The following LEKR1 variants were observed in gnomAD, a reference collection of about 807,000 sequenced individuals.
LEKR1 encodes protein LEKR1.
Under a neutral mutation model 72.4 loss-of-function variants are expected in LEKR1, and 59 were observed. That is an observed-to-expected ratio of 0.82 (90% confidence interval 0.66 to 1.01). The LOEUF (loss-of-function observed/expected upper bound fraction) is 1.01, where lower values mean the gene tolerates loss of function less well. LEKR1 is among the 50% of genes least tolerant of loss of function. The pLI is 0.00. For synonymous variants in LEKR1, 257 were observed against 263.2 expected (o/e 0.98, Z 0.23); for missense variants, 728 against 759.2 (o/e 0.96, Z 0.48).
intron 7 of LEKR1, among the ~76,000 whole-genome samples, chr3:156,989,395 T>G (rs985297273): frequency 6.6e-6 from 1 of 152,214 alleles, no homozygotes. Context: ...AACTTGAATA[T>G]TTTTAAGGCT....
Position 157,045,934 on chromosome 3 carries a change from G to A in LEKR1, c.*184G>A. The stretch of plus-strand genomic sequence containing the variant: ...AATTGTGAAGCCTTATTTTTCAAGA[G>A]GGTTTTGATAGAGTAACAGATCATT... On this transcript the variant is annotated 3_prime_UTR_variant, in exon 13 of 13. Coordinates refer to ENST00000356539, the MANE Select transcript of LEKR1 (RefSeq NM_001004316.3). 1.7e-6 allele frequency: 1 copy of A among 591,178 alleles called. No homozygotes were observed. The highest frequency in any genetic ancestry group is 2.4e-5 in the South Asian group (1 of 41,106). 36.6% of individuals were successfully genotyped at this position (591,178 alleles called of 1,614,324 possible).
chr3:156,834,542 A>G (rs1277951629), intron 2 of LEKR1, among the ~76,000 whole-genome samples: 1 of 152,174 alleles, frequency 6.6e-6, no homozygotes, highest in Admixed American at 6.5e-5. Flanking sequence ...CAATGTTAAT[A>G]TGTTAACTCT....
At chr3:156,973,382 A>T (rs970949390) in intron 6 of LEKR1, among the ~76,000 whole-genome samples, 3 of 152,086 alleles carry the variant, frequency 2.0e-5, no homozygotes, top group African/African-American at 7.2e-5. Context: ...ACACCCATAT[A>T]TAGATGCTAT....
intron 3 of LEKR1, among the ~76,000 whole-genome samples, chr3:156,899,632 ACACG>A (rs1449981444): frequency 9.1e-6 from 1 of 110,124 alleles, no homozygotes; most frequent in South Asian, 2.8e-4. Flanking sequence ...ACACATATAT[ACACG>A]CATATATACA....
chr3:156,931,122 T>C (rs1725187069), intron 5 of LEKR1, among the ~76,000 whole-genome samples: 1 of 152,102 alleles, frequency 6.6e-6, no homozygotes, highest in Non-Finnish European at 1.5e-5. Flanking sequence ...AATGAATAGT[T>C]AAATCAGAGA....
chr3:156,988,394 G>T, intron 7 of LEKR1: 1 of 225,046 alleles, frequency 4.4e-6, no homozygotes, highest in East Asian at 1.1e-4. Flanking sequence ...ATGTGCGAGG[G>T]GATCCCAGTC....
chr3:157,042,212 G>T (rs1735400235), intron 12 of LEKR1, among the ~76,000 whole-genome samples: 1 of 152,166 alleles, frequency 6.6e-6, no homozygotes, highest in Non-Finnish European at 1.5e-5. Flanking sequence ...ATCAATTTTG[G>T]ATCCTATTTT....
At chr3:156,849,862 T>A (rs367612019) in intron 2 of LEKR1, among the ~76,000 whole-genome samples, 4 of 151,982 alleles carry the variant, frequency 2.6e-5, no homozygotes, top group East Asian at 1.9e-4. Context: ...GGACTTCATG[T>A]CTAAAACACC....
At chr3:156,929,407 T>C (rs1041072948) in intron 5 of LEKR1, among the ~76,000 whole-genome samples, 2 of 152,058 alleles carry the variant, frequency 1.3e-5, no homozygotes, top group Admixed American at 1.3e-4. Context: ...AAAATAAAAT[T>C]TAATTTCTGC....
intron 6 of LEKR1, among the ~76,000 whole-genome samples, chr3:156,956,017 TTTAG>T (rs1239663529): frequency 2.6e-5 from 4 of 151,958 alleles, no homozygotes; most frequent in South Asian, 2.1e-4. Context: ...TGTGAATTTT[TTTAG>T]TTAGTCACAA....
intron 5 of LEKR1, among the ~76,000 whole-genome samples, chr3:156,929,552 A>G (rs929391271): frequency 1.3e-5 from 2 of 152,108 alleles, no homozygotes; most frequent in African/African-American, 4.8e-5. Context: ...ACAAATTCCA[A>G]TGGGATGCCG....
chr3:156,994,977 T>G (rs1474226846), intron 9 of LEKR1, among the ~76,000 whole-genome samples: 3 of 152,256 alleles, frequency 2.0e-5, no homozygotes, highest in Non-Finnish European at 4.4e-5. Context: ...GCACATGTTT[T>G]AGACTCTCGT....
chr3:156,932,889 G>A (rs1725373092), intron 5 of LEKR1, among the ~76,000 whole-genome samples: 1 of 151,980 alleles, frequency 6.6e-6, no homozygotes, highest in East Asian at 1.9e-4. Flanking sequence ...AATTAGCCAG[G>A]CGTGGTGGCG....
chr3:156,951,456 G>A (rs866680577), intron 6 of LEKR1, among the ~76,000 whole-genome samples: 9 of 151,464 alleles, frequency 5.9e-5, no homozygotes, highest in Admixed American at 6.6e-5. Context: ...TTGTACCTCT[G>A]GTAGAATTCA....
At chr3:156,948,376 A>G (rs1726863227) in intron 6 of LEKR1, among the ~76,000 whole-genome samples, 1 of 151,144 alleles carries the variant, frequency 6.6e-6, no homozygotes. Context: ...CAAAATTCTC[A>G]TATTAATTCT....
At chr3:156,877,393 G>C (rs1018990484) in intron 3 of LEKR1, among the ~76,000 whole-genome samples, 4 of 152,044 alleles carry the variant, frequency 2.6e-5, no homozygotes, top group Non-Finnish European at 5.9e-5. Flanking sequence ...AGTAAGATTG[G>C]TATCAGTTCT....
chr3:156,961,141 C>G (rs990103174), intron 6 of LEKR1, among the ~76,000 whole-genome samples: 2 of 152,080 alleles, frequency 1.3e-5, no homozygotes, highest in African/African-American at 4.8e-5. Context: ...AAATTTATTC[C>G]AAGTGAAAAA....
chr3:156,904,025 G>C (rs1002786068), intron 3 of LEKR1, among the ~76,000 whole-genome samples: 5 of 152,170 alleles, frequency 3.3e-5, no homozygotes, highest in Non-Finnish European at 5.9e-5. Context: ...ATATTGGGTG[G>C]CCAAACAGTG....
At chr3:156,994,590 A>G (rs1731404719) in intron 9 of LEKR1, among the ~76,000 whole-genome samples, 1 of 152,220 alleles carries the variant, frequency 6.6e-6, no homozygotes, top group Non-Finnish European at 1.5e-5. Flanking sequence ...AATGAAATGT[A>G]TAAGAGCCAG....
Sources: gnomAD v4.1 joint callset for allele counts (sites outside exome capture counted in the v4.1 genomes callset) on GRCh38, gnomAD v4.1.1 for gene constraint, MANE v1.5 for transcripts, NCBI Gene and HGNC (gene_info 2026-07-23, HGNC 2026-07-21) for gene names.